BAIAP3: variants seen among roughly 807,000 people sequenced by gnomAD.
BAIAP3 encodes the protein BAI1 associated protein 3.
In BAIAP3, 180 loss-of-function variants were observed where a neutral mutation model predicts 149.7. The ratio of observed to expected loss-of-function variants is 1.20; its 90% CI spans 1.07 to 1.36. The LOEUF (loss-of-function observed/expected upper bound fraction) is 1.36, where lower values mean the gene tolerates loss of function less well. Ranked by LOEUF, BAIAP3 falls within the 40% of genes most tolerant of loss-of-function variation. The pLI, the probability that BAIAP3 is intolerant of heterozygous loss-of-function variation, is 0.00. For missense variants in BAIAP3, 1,767 were observed against 1,563.4 expected, an observed-to-expected ratio of 1.13 and a Z score of -2.20; for synonymous variants, 845 against 670.7, an observed-to-expected ratio of 1.26 and a Z score of -4.02.
At chr16:1,345,187 C>G in intron 21 of BAIAP3, 62 bp from the exon 22 acceptor site, 1 of 1,609,000 alleles carries the variant, frequency 6.2e-7, no homozygotes. Flanking sequence ...AGCTGTGAGC[C>G]TGGAACGTGC....
In BAIAP3 at chr16:1,338,698, C is replaced by A. The variant is rs745975896; in HGVS notation, c.131+18C>A. On this transcript the variant is annotated intron_variant, in intron 2 of 33. Coordinates refer to ENST00000426824, the MANE Select transcript of BAIAP3 (RefSeq NM_001199097.2). ...GGGGCCTGGTGGGTGCCGAGGGGCC[C>A]AGCCCCACACGCCCACAGGGCCATT... The A allele has an allele frequency of 1.3e-6, 2 of 1,567,486 alleles. No homozygotes were observed. Among genetic ancestry groups the A allele is most frequent in the East Asian group, 2.3e-5 (1 of 42,620 alleles).
rs746313854 is a variant in BAIAP3 at position 1,347,530 on chromosome 16, C to T, written c.2824-15C>T. On this transcript the variant is annotated splice_polypyrimidine_tract_variant and intron_variant, in intron 29 of 33. Coordinates refer to ENST00000426824, the MANE Select transcript of BAIAP3 (RefSeq NM_001199097.2). The stretch of plus-strand genomic sequence containing the variant: ...CAGCACCCAGGGGCCCCTCCTGATG[C>T]GCTTCCCCCTGCAGAGGCTGAAGGA... The T allele has an allele frequency of 8.1e-5, 129 of 1,594,042 alleles. No homozygotes were observed. Among genetic ancestry groups the T allele is most frequent in the Non-Finnish European group, 1.0e-4 (119 of 1,171,726 alleles).
In BAIAP3 at chr16:1,338,545, C is replaced by G; in HGVS notation, c.-5C>G. The G allele has an allele frequency of 6.2e-7, 1 of 1,608,154 alleles. No individual in the cohort carries two copies. The highest frequency in any genetic ancestry group is 8.5e-7 in the Non-Finnish European group (1 of 1,177,520). ...GGCTGTGCTCTCTGCTGTAGGTCAC[C>G]CGCCATGTCGACCTTGCTGGACATT... is the stretch of plus-strand genomic sequence containing the variant. On this transcript the variant is annotated 5_prime_UTR_variant, in exon 2 of 34. Transcript: ENST00000426824.
intron 1 of BAIAP3, chr16:1,336,161 G>C: frequency 1.0e-6 from 1 of 967,348 alleles, no homozygotes; most frequent in Non-Finnish European, 1.2e-6. Flanking sequence ...ATGCCGCGGC[G>C]GTTGCCCTGG....
chr16:1,342,709 T>C lies in BAIAP3; in HGVS notation c.1066-10T>C. ...GCAGAGCTGGTGACTGGGTGGGCTC[T>C]GCGTTGCAGAGGGATACGGCCATGA... On this transcript the variant is annotated splice_polypyrimidine_tract_variant and intron_variant, in intron 12 of 33. Coordinates refer to ENST00000426824, the MANE Select transcript of BAIAP3 (RefSeq NM_001199097.2). The C allele has an allele frequency of 6.2e-7, 1 of 1,612,348 alleles. No individual in the cohort carries two copies. Among genetic ancestry groups the C allele is most frequent in the Non-Finnish European group, 8.5e-7 (1 of 1,179,972 alleles).
intron 1 of BAIAP3, among the ~76,000 whole-genome samples, chr16:1,335,664 A>G (rs902052861): frequency 6.6e-6 from 1 of 152,162 alleles, no homozygotes; most frequent in African/African-American, 2.4e-5. Flanking sequence ...TGGGGTTTCC[A>G]GGGGAACCAA....
In BAIAP3 at chr16:1,344,554, G is replaced by T. The variant is rs779239671; in HGVS notation, c.1659+29G>T. ...CAGTTGTGGGGGACCCTGGCCATGA[G>T]GGGTACGGGCAGCCGAGAGGTGGGT... is the stretch of plus-strand genomic sequence containing the variant. On this transcript the variant is annotated intron_variant, in intron 18 of 33. Transcript: ENST00000426824. 9.3e-6 allele frequency: 15 copies of T among 1,612,546 alleles called. No homozygotes were observed. In the South Asian group the frequency reaches 1.6e-4, roughly 18 times the overall value.
chr16:1,345,945 G>T, intron 23 of BAIAP3, 41 bp from the exon 24 acceptor site: 1 of 1,588,124 alleles, frequency 6.3e-7, no homozygotes, highest in Non-Finnish European at 8.6e-7. Context: ...AGATGGGGCA[G>T]GGGAGGGCTC....
chr16:1,338,165 C>T (rs191497685), intron 1 of BAIAP3, among the ~76,000 whole-genome samples: 144 of 152,228 alleles, frequency 9.5e-4, no homozygotes, highest in African/African-American at 3.2e-3. Context: ...AGGAAACAGG[C>T]GCCTCCTGCT....
chr16:1,342,319 A>C (rs1157141971), intron 11 of BAIAP3, 36 bp downstream of exon 11: 4 of 1,597,728 alleles, frequency 2.5e-6, no homozygotes, highest in East Asian at 2.2e-5. Flanking sequence ...TGACACTTAG[A>C]GAAGGGCCTG....
chr16:1,339,217 C>T lies in BAIAP3; in HGVS notation c.273C>T (p.Leu91=), dbSNP rs770087709. 6.8e-5 allele frequency: 107 copies of T among 1,565,292 alleles called. No individual in the cohort carries two copies. The highest frequency in any genetic ancestry group is 5.1e-4 in the Middle Eastern group (3 of 5,912). The change falls in exon 4 of 34, where the codon CTC becomes CTT. Residue 91 remains leucine, a synonymous_variant. Transcript: ENST00000426824. Reference sequence around the variant, plus strand: ...CCCCGGAGCCTGTGGATCCCAGCCTCGGCCTGAGAGCCCTGGCCCCAGAGG... The same window carrying T: ...CCCCGGAGCCTGTGGATCCCAGCCTTGGCCTGAGAGCCCTGGCCCCAGAGG... ...PAPPEPVDPS[L]GLRALAPEEV...
At position 1,338,655 on chromosome 16, in the gene BAIAP3, C is replaced by A; in HGVS notation, c.106C>A (p.Pro36Thr). The A allele has an allele frequency of 6.3e-7, 1 of 1,589,416 alleles. No homozygotes were observed. Among genetic ancestry groups the A allele is most frequent in the Non-Finnish European group, 8.5e-7 (1 of 1,169,712 alleles). ...GGACCCAGGGAGTGCCAGCGCCGACCCGCAGGAGCCTGCCACGGGGGCCTG... is the reference window on the plus strand; with the variant it reads ...GGACCCAGGGAGTGCCAGCGCCGACACGCAGGAGCCTGCCACGGGGGCCTG... ...EQDPGSASAD[P>T]QEPATGAWKP... The change falls in exon 2 of 34, where the codon CCG (proline) becomes ACG (threonine). Residue 36 changes from proline (P) to threonine (T), a missense_variant. By Grantham distance (38) the Pro-to-Thr change is conservative. Transcript: ENST00000426824.
Position 1,346,262 on chromosome 16 carries a change from C to T in BAIAP3, c.2394C>T (p.Pro798=), listed in dbSNP as rs375157329. 25 of 1,610,278 alleles carry T rather than the reference C, an allele frequency of 1.6e-5. No homozygotes were observed. Among genetic ancestry groups the T allele is most frequent in the East Asian group, 6.7e-5 (3 of 44,812 alleles). The change falls in exon 25 of 34, where the codon CCC becomes CCT. Residue 798 remains proline (P), a synonymous_variant. Coordinates refer to ENST00000426824, the MANE Select transcript of BAIAP3 (RefSeq NM_001199097.2). Reference sequence around the variant, plus strand: ...CATGGCCAGAGGGGGCCACGGGGCCCGAGGGGGTGCTCCCCCGCCCTCTGC... The same window carrying T: ...CATGGCCAGAGGGGGCCACGGGGCCTGAGGGGGTGCTCCCCCGCCCTCTGC... ...GLAWPEGATG[P]EGVLPRPLLS...
At chr16:1,347,647 G>A (rs2034470267) in intron 30 of BAIAP3, 22 bp downstream of exon 30, 5 of 1,612,942 alleles carry the variant, frequency 3.1e-6, no homozygotes, top group Non-Finnish European at 4.2e-6. Context: ...CCAGGGACAG[G>A]GTGCTGCCTC....
Position 1,346,880 on chromosome 16 carries a change from G to A in BAIAP3, c.2676G>A (p.Gln892=). The A allele has an allele frequency of 1.2e-6, 2 of 1,609,152 alleles. No homozygotes were observed. The highest frequency in any genetic ancestry group is 1.7e-6 in the Non-Finnish European group (2 of 1,179,030). Residue 892 remains glutamine, a synonymous_variant, in exon 28 of 34, where the codon CAG becomes CAA. Transcript: ENST00000426824. The part of the protein sequence containing the change: ...VLEALWELLL[Q]AILQALGANR... ...AGGCCCTGTGGGAGCTACTCCTCCA[G>A]GCCATTCTGCAGGCGCTGGGTGCAA... is the stretch of plus-strand genomic sequence containing the variant.
chr16:1,347,644 C>G lies in BAIAP3; in HGVS notation c.2904+19C>G. The G allele has an allele frequency of 1.2e-6, 2 of 1,612,972 alleles. No individual in the cohort carries two copies. Among genetic ancestry groups the G allele is most frequent in the Non-Finnish European group, 1.7e-6 (2 of 1,179,984 alleles). On this transcript the variant is annotated intron_variant, in intron 30 of 33. Transcript: ENST00000426824. Reference sequence around the variant, plus strand: ...CAAACAGGTAGGGAGGCGCCAGGGACAGGGTGCTGCCTCCGAGGCTCCCAG... The same window carrying G: ...CAAACAGGTAGGGAGGCGCCAGGGAGAGGGTGCTGCCTCCGAGGCTCCCAG...
Position 1,346,087 on chromosome 16 carries a change from C to T in BAIAP3, c.2301+9C>T, listed in dbSNP as rs200067915. 10 of 1,608,916 alleles carry T rather than the reference C, an allele frequency of 6.2e-6. No homozygotes were observed. In the African/African-American group the frequency reaches 1.2e-4, roughly 19 times the overall value. ...AAGCAGTGAGCGAGGCGGTGAGTGA[C>T]CAGCTGGGGAGGGGAGCCGGCAGGA... On this transcript the variant is annotated intron_variant, in intron 24 of 33. Transcript: ENST00000426824.
rs768122213 is a variant in BAIAP3 at position 1,344,163 on chromosome 16, G to C, written c.1511+17G>C. On this transcript the variant is annotated intron_variant, in intron 16 of 33. Coordinates refer to ENST00000426824, the MANE Select transcript of BAIAP3 (RefSeq NM_001199097.2). ...GCTGCTGAAGTGGGTGCAGCGCCGC[G>C]TGTCAGCGTGGGTGGGGGCGGCTGG... 6.2e-7 allele frequency: 1 copy of C among 1,612,054 alleles called. No homozygotes were observed. The highest frequency in any genetic ancestry group is 1.1e-5 in the South Asian group (1 of 91,050).
In BAIAP3 at chr16:1,344,797, G is replaced by A. The variant is rs745537380; in HGVS notation, c.1758-1G>A. 1 of 1,613,822 alleles carries A rather than the reference G, an allele frequency of 6.2e-7. No individual in the cohort carries two copies. Among genetic ancestry groups the A allele is most frequent in the Non-Finnish European group, 8.5e-7 (1 of 1,180,036 alleles). On this transcript the variant is annotated splice_acceptor_variant, in intron 19 of 33. Coordinates refer to ENST00000426824, the MANE Select transcript of BAIAP3 (RefSeq NM_001199097.2). LOFTEE classifies it high-confidence loss of function. Reference sequence around the variant, plus strand: ...GATGAGGTGTGTCCCTTGCTCTGCAGCATCCTCAATGTGGACGTCTTCACC... The same window carrying A: ...GATGAGGTGTGTCCCTTGCTCTGCAACATCCTCAATGTGGACGTCTTCACC...
Sources: gnomAD v4.1 joint callset for allele counts (sites outside exome capture counted in the v4.1 genomes callset) on GRCh38, gnomAD v4.1.1 for gene constraint, MANE v1.5 for transcripts, NCBI Gene and HGNC (gene_info 2026-07-23, HGNC 2026-07-21) for gene names.